Variants in EPB41L3 observed in about 807,000 individuals in gnomAD.
The protein encoded by EPB41L3 is erythrocyte membrane protein band 4.1 like 3.
A neutral mutation model predicts 127.1 loss-of-function variants in EPB41L3; 57 were observed. The observed-to-expected ratio is 0.45, with a 90% CI of 0.36 to 0.56. The LOEUF (loss-of-function observed/expected upper bound fraction) is 0.56. Ranked by LOEUF, EPB41L3 falls within the 20% of genes least tolerant of loss-of-function variation. EPB41L3 has a pLI of 0.00. For synonymous variants in EPB41L3, 572 were observed against 549.5 expected (o/e 1.04, Z -0.57); for missense variants, 1,273 against 1,372.2 (o/e 0.93, Z 1.14).
At position 5,603,482 on chromosome 18, in the gene EPB41L3, G is replaced by A. The variant is rs570753353; in HGVS notation, c.-306+8858C>T. On this transcript the variant is annotated intron_variant, in intron 3 of 21. Transcript: ENST00000545076. ...ACGGTCATTGTACTTTTAGAGTCTGGGAGTGGAATAAAGAGGAAGAGTGAT... is the reference window on the plus strand; with the variant it reads ...ACGGTCATTGTACTTTTAGAGTCTGAGAGTGGAATAAAGAGGAAGAGTGAT... 1.2e-4 allele frequency among the ~76,000 whole-genome samples: 19 copies of A among 152,294 alleles called. No individual in the cohort carries two copies. In the South Asian group the frequency reaches 3.9e-3, roughly 32 times the overall value.
chr18:5,618,770 A>C (rs924932990), intron 1 of EPB41L3, among the ~76,000 whole-genome samples: 1 of 152,202 alleles, frequency 6.6e-6, no homozygotes, highest in African/African-American at 2.4e-5. Flanking sequence ...TTGTCTCTAC[A>C]ACAGCAAAAC....
intron 1 of EPB41L3, among the ~76,000 whole-genome samples, chr18:5,627,750 A>G (rs1011689278): frequency 6.6e-6 from 1 of 152,222 alleles, no homozygotes; most frequent in Non-Finnish European, 1.5e-5. Flanking sequence ...CCTGCCCTCA[A>G]TAACTTAACA....
At chr18:5,500,734 C>G (rs2091668665) in intron 1 of EPB41L3, among the ~76,000 whole-genome samples, 1 of 152,104 alleles carries the variant, frequency 6.6e-6, no homozygotes, top group African/African-American at 2.4e-5. Flanking sequence ...CAAATAAGCC[C>G]TAAACAAATA....
intron 3 of EPB41L3, among the ~76,000 whole-genome samples, chr18:5,607,906 GA>G (rs111379305): frequency 0.18 from 27,619 of 151,974 alleles, 4,695 homozygotes; most frequent in African/African-American, 0.45. Flanking sequence ...GAAGGGCCAG[GA>G]AGAGTCCAAA....
At chr18:5,424,772 T>C (rs922682054) in intron 9 of EPB41L3, among the ~76,000 whole-genome samples, 1 of 152,230 alleles carries the variant, frequency 6.6e-6, no homozygotes, top group Non-Finnish European at 1.5e-5. Flanking sequence ...AAATATAGTC[T>C]ACAGCATTCT....
intron 3 of EPB41L3, among the ~76,000 whole-genome samples, chr18:5,563,149 G>A (rs2094155142): frequency 6.6e-6 from 1 of 152,216 alleles, no homozygotes; most frequent in Non-Finnish European, 1.5e-5. Flanking sequence ...AAAAGCCACA[G>A]GATCCTTGAA....
intron 3 of EPB41L3, among the ~76,000 whole-genome samples, chr18:5,446,866 C>T (rs2146401116): frequency 6.6e-6 from 1 of 152,262 alleles, no homozygotes; most frequent in Non-Finnish European, 1.5e-5. Flanking sequence ...CAATGAAGCG[C>T]CTGCTTGCTG....
intron 3 of EPB41L3, among the ~76,000 whole-genome samples, chr18:5,473,455 A>C (rs1476909958): frequency 6.6e-6 from 1 of 151,746 alleles, no homozygotes; most frequent in Admixed American, 6.6e-5. Context: ...TATCTTATGA[A>C]ATATGGACCG....
intron 1 of EPB41L3, among the ~76,000 whole-genome samples, chr18:5,541,737 A>C (rs913191008): frequency 6.6e-6 from 1 of 152,254 alleles, no homozygotes; most frequent in African/African-American, 2.4e-5. Flanking sequence ...AATCGCATTC[A>C]TGCAGAAGAA....
chr18:5,471,404 A>G (rs538354302), intron 3 of EPB41L3, among the ~76,000 whole-genome samples: 1 of 152,316 alleles, frequency 6.6e-6, no homozygotes, highest in Admixed American at 6.5e-5. Flanking sequence ...AACTCTCGGG[A>G]ATCATGCTAG....
At chr18:5,544,150 G>C (rs946594249), upstream of EPB41L3, 8 of 985,396 alleles carry the variant, frequency 8.1e-6, no homozygotes, top group Non-Finnish European at 9.6e-6. Context: ...TGCCCTCCCA[G>C]CCGCGGGGGA....
At chr18:5,446,195 T>TC (rs1568212636) in intron 3 of EPB41L3, among the ~76,000 whole-genome samples, 1 of 152,200 alleles carries the variant, frequency 6.6e-6, no homozygotes, top group Non-Finnish European at 1.5e-5. Context: ...ACAGAGTTTT[T>TC]CTCTTAACTT....
chr18:5,516,220 C>A (rs1460491906), intron 1 of EPB41L3, among the ~76,000 whole-genome samples: 1 of 152,186 alleles, frequency 6.6e-6, no homozygotes, highest in African/African-American at 2.4e-5. Context: ...GTGGTTGACA[C>A]CTGGCCATTA....
At chr18:5,440,603 G>C (rs1453003649) in intron 5 of EPB41L3, among the ~76,000 whole-genome samples, 1 of 152,112 alleles carries the variant, frequency 6.6e-6, no homozygotes, top group Non-Finnish European at 1.5e-5. Flanking sequence ...GGAATTTTAA[G>C]TTACAAATTT....
intron 13 of EPB41L3, among the ~76,000 whole-genome samples, chr18:5,413,313 TC>T (rs1230491522): frequency 1.3e-5 from 2 of 152,184 alleles, no homozygotes; most frequent in Non-Finnish European, 2.9e-5. Flanking sequence ...TATTTTGATA[TC>T]CTGCCCCTTA....
intron 3 of EPB41L3, among the ~76,000 whole-genome samples, chr18:5,458,904 T>G (rs1455618879): frequency 2.0e-5 from 3 of 152,178 alleles, no homozygotes; most frequent in African/African-American, 7.2e-5. Context: ...GCTTTAAAAT[T>G]TTCATGGGTT....
intron 1 of EPB41L3, among the ~76,000 whole-genome samples, chr18:5,618,692 A>T (rs148302010): frequency 1.6e-4 from 24 of 152,350 alleles, no homozygotes; most frequent in African/African-American, 4.3e-4. Context: ...ACGAAAGTCA[A>T]TGAAAAGTGG....
At chr18:5,485,300 C>T (rs4278837) in intron 2 of EPB41L3, among the ~76,000 whole-genome samples, 1 of 151,974 alleles carries the variant, frequency 6.6e-6, no homozygotes, top group Non-Finnish European at 1.5e-5. Context: ...TTCAACATGT[C>T]TTTATGATTA....
At chr18:5,583,511 C>T (rs1216929804) in intron 3 of EPB41L3, among the ~76,000 whole-genome samples, 1 of 152,174 alleles carries the variant, frequency 6.6e-6, no homozygotes, top group Non-Finnish European at 1.5e-5. Context: ...AGAACATTAT[C>T]TGGATTCAAC....
Sources: allele counts gnomAD v4.1 joint callset (sites outside exome capture counted in the v4.1 genomes callset), GRCh38; gene constraint gnomAD v4.1.1; transcripts MANE v1.5; gene names NCBI Gene and HGNC (gene_info 2026-07-23, HGNC 2026-07-21).